MAST3: variants seen among roughly 807,000 people sequenced by gnomAD.
MAST3 encodes the protein microtubule-associated serine/threonine-protein kinase 3.
Under a neutral mutation model 127.0 loss-of-function variants are expected in MAST3, and 43 were observed. The observed-to-expected ratio is 0.34, with a 90% CI of 0.27 to 0.44. The LOEUF (loss-of-function observed/expected upper bound fraction) is 0.44. Among genes scored for constraint, MAST3 ranks in the 20% least tolerant of loss-of-function variants. MAST3 has a pLI of 1.00. For synonymous variants in MAST3, 785 were observed against 809.2 expected (o/e 0.97, Z 0.51); for missense variants, 1,390 against 1,919.1 (o/e 0.72, Z 5.15).
intron 26 of MAST3, among the ~76,000 whole-genome samples, 163 bp downstream of exon 26, chr19:18,147,207 G>A (rs2043123775): frequency 7.0e-6 from 1 of 143,728 alleles, no homozygotes; most frequent in Non-Finnish European, 1.5e-5. Flanking sequence ...GGGTTCAAGC[G>A]ACTGTCCTGC....
chr19:18,114,569 G>A (rs940316945), intron 3 of MAST3, among the ~76,000 whole-genome samples: 18 of 152,152 alleles, frequency 1.2e-4, no homozygotes, highest in African/African-American at 4.1e-4. Context: ...CAGCCTCTCC[G>A]AGACCAGACC....
intron 1 of MAST3, among the ~76,000 whole-genome samples, chr19:18,100,925 G>T (rs140213962): frequency 6.6e-6 from 1 of 152,316 alleles, no homozygotes; most frequent in Non-Finnish European, 1.5e-5. Flanking sequence ...GTCCTCTCCG[G>T]TGGTGACAAT....
At chr19:18,124,613 C>G in intron 10 of MAST3, 29 bp from the exon 11 acceptor site, 2 of 1,538,948 alleles carry the variant, frequency 1.3e-6, no homozygotes, top group Non-Finnish European at 1.8e-6. Flanking sequence ...GAACCAAGCC[C>G]TGGGTGACCA....
At chr19:18,107,095 T>C (rs4808746) in intron 1 of MAST3, among the ~76,000 whole-genome samples, 55,632 of 148,900 alleles carry the variant, frequency 0.37, 10,631 homozygotes, top group Admixed American at 0.43. Context: ...GAATTACAGG[T>C]GTGAGCCACC....
chr19:18,132,141 G>A, intron 15 of MAST3, 94 bp downstream of exon 15: 1 of 1,528,994 alleles, frequency 6.5e-7, no homozygotes, highest in Non-Finnish European at 8.8e-7. Context: ...AGCCTCTGAG[G>A]TGCATCCCGG....
At chr19:18,138,360 A>G (rs1394875066) in intron 19 of MAST3, among the ~76,000 whole-genome samples, 7 of 148,552 alleles carry the variant, frequency 4.7e-5, no homozygotes, top group Non-Finnish European at 1.0e-4. Context: ...TCTGTCGCCC[A>G]GGCTGGAGTG....
intron 3 of MAST3, among the ~76,000 whole-genome samples, chr19:18,116,954 C>T (rs1336445222): frequency 1.3e-5 from 2 of 150,836 alleles, no homozygotes; most frequent in Non-Finnish European, 3.0e-5. Flanking sequence ...AAGCCTGGGC[C>T]CCAGCATTGG....
At position 18,134,844 on chromosome 19, in the gene MAST3, C is replaced by G; in HGVS notation, c.1732C>G (p.Pro578Ala). 6.2e-7 allele frequency: 1 copy of G among 1,613,972 alleles called. No individual in the cohort carries two copies. Among genetic ancestry groups the G allele is most frequent in the Non-Finnish European group, 8.5e-7 (1 of 1,179,892 alleles). ...GTGTGGGACGCCGGAGTACATAGCC[C>G]CCGAGGTGATCTTCCGCCAGGGCTA... The part of the protein sequence containing the change: ...QVCGTPEYIA[P>A]EVIFRQGYGK... The change falls in exon 17 of 28, where the codon CCC becomes GCC. Residue 578 changes from proline to alanine, a missense_variant. Around this residue, in one of 5 missense-constraint regions of MAST3, gnomAD observed 191 missense variants for 409.0 expected, o/e 0.47. Transcript: ENST00000687212.
chr19:18,107,654 C>T, intron 2 of MAST3, 36 bp downstream of exon 2: 1 of 1,604,722 alleles, frequency 6.2e-7, no homozygotes, highest in South Asian at 1.1e-5. Context: ...TGGGTGGGCC[C>T]CAGTGGTCTT....
Position 18,128,454 on chromosome 19 carries a change from C to T in MAST3, c.1133C>T (p.Pro378Leu). Residue 378 changes from proline to leucine, a missense_variant, in exon 12 of 28, where the codon CCA (proline) becomes CTA (leucine). Physicochemically the swap from Pro to Leu is moderately conservative, Grantham distance 98. Transcript: ENST00000687212. The stretch of plus-strand genomic sequence containing the variant: ...GAACAGCCCCCAGCACCTGAGTCCC[C>T]AGAGGTGAGTAGCAGAGGCTGGGGG... ...EEEQPPAPES[P>L]ESRALVGQSR... 1.3e-6 allele frequency: 2 copies of T among 1,555,378 alleles called. No homozygotes were observed. The highest frequency in any genetic ancestry group is 4.9e-5 in the East Asian group (2 of 41,178).
chr19:18,127,024 C>T (rs1159524657), intron 11 of MAST3, among the ~76,000 whole-genome samples: 3 of 151,442 alleles, frequency 2.0e-5, no homozygotes, highest in African/African-American at 7.2e-5. Flanking sequence ...TCATGATCCG[C>T]CCGCCTCTGC....
At position 18,128,392 on chromosome 19, in the gene MAST3, T is replaced by C. The variant is rs1304824348; in HGVS notation, c.1079-8T>C. 3 of 1,547,198 alleles carry C rather than the reference T, an allele frequency of 1.9e-6. No homozygotes were observed. Among genetic ancestry groups the C allele is most frequent in the South Asian group, 1.2e-5 (1 of 84,056 alleles). On this transcript the variant is annotated splice_polypyrimidine_tract_variant and splice_region_variant and intron_variant, in intron 11 of 27. Transcript: ENST00000687212. ...GGCTCCAGCTGAGCCTCCTCCCTCA[T>C]CTTGCAGAGATGGTGCCACTGAGTC...
chr19:18,097,934 C>A, intron 1 of MAST3, 103 bp downstream of exon 1: 1 of 929,220 alleles, frequency 1.1e-6, no homozygotes, highest in Non-Finnish European at 1.4e-6. Context: ...TGTAGGGAAA[C>A]TGAGGCAGAG....
rs2042171628 is a variant in MAST3 at position 18,139,004 on chromosome 19, C to T, written c.2096-11C>T. On this transcript the variant is annotated splice_polypyrimidine_tract_variant and intron_variant, in intron 19 of 27. Transcript: ENST00000687212. Reference sequence around the variant, plus strand: ...CATCAGGCGTGCTGCATGTGCCTCTCCCTCCCACAGCACGTTCGGAACGTT... The same window carrying T: ...CATCAGGCGTGCTGCATGTGCCTCTTCCTCCCACAGCACGTTCGGAACGTT... 6.4e-7 allele frequency: 1 copy of T among 1,562,036 alleles called. No individual in the cohort carries two copies. Among genetic ancestry groups the T allele is most frequent in the East Asian group, 2.4e-5 (1 of 42,512 alleles).
intron 10 of MAST3, 40 bp downstream of exon 10, chr19:18,124,406 G>T: frequency 6.5e-7 from 1 of 1,540,726 alleles, no homozygotes; most frequent in Non-Finnish European, 8.8e-7. Flanking sequence ...GGTCCAGGCA[G>T]AACTGAGATT....
intron 11 of MAST3, among the ~76,000 whole-genome samples, chr19:18,126,046 G>A (rs1446160703): frequency 1.3e-5 from 2 of 150,716 alleles, no homozygotes; most frequent in Non-Finnish European, 3.0e-5. Flanking sequence ...GTGAAAGAGT[G>A]AGCCTACATT....
At chr19:18,114,753 C>T (rs545003493) in intron 3 of MAST3, among the ~76,000 whole-genome samples, 4 of 152,216 alleles carry the variant, frequency 2.6e-5, no homozygotes, top group African/African-American at 7.2e-5. Context: ...GTTGGGCGCT[C>T]ATAGGCAAAG....
At chr19:18,129,060 A>G (rs991727663) in intron 13 of MAST3, 109 bp downstream of exon 13, 87 of 938,596 alleles carry the variant, frequency 9.3e-5, no homozygotes, top group Non-Finnish European at 1.4e-4. Flanking sequence ...TCACACATTC[A>G]TCCTTGAATG....
chr19:18,104,624 G>A (rs1213437904), intron 1 of MAST3, among the ~76,000 whole-genome samples: 2 of 151,942 alleles, frequency 1.3e-5, no homozygotes, highest in Non-Finnish European at 2.9e-5. Flanking sequence ...AGTAAAAATA[G>A]TCGTGTGTCC....
Sources: allele counts gnomAD v4.1 joint callset (sites outside exome capture counted in the v4.1 genomes callset), GRCh38; gene constraint gnomAD v4.1.1; regional missense constraint gnomAD v4.1.1; transcripts MANE v1.5; gene names NCBI Gene and HGNC (gene_info 2026-07-23, HGNC 2026-07-21).